TBC1D31: variants seen among roughly 807,000 people sequenced by gnomAD.
The protein encoded by TBC1D31 is WD repeat domain 67.
Under a neutral mutation model 132.9 loss-of-function variants are expected in TBC1D31, and 99 were observed. That is an observed-to-expected ratio of 0.74 (90% CI 0.63 to 0.88). The LOEUF is 0.88. Ranked by LOEUF, TBC1D31 falls within the 40% of genes least tolerant of loss-of-function variation. The pLI, the probability that TBC1D31 is intolerant of heterozygous loss-of-function variation, is 0.00. For synonymous variants in TBC1D31, 385 were observed against 419.4 expected, an observed-to-expected ratio of 0.92 and a Z score of 1.00; for missense variants, 1,134 against 1,256.6, an observed-to-expected ratio of 0.90 and a Z score of 1.48.
chr8:123,125,561 G>T (rs375119211), intron 11 of TBC1D31, among the ~76,000 whole-genome samples: 9 of 152,250 alleles, frequency 5.9e-5, no homozygotes, highest in African/African-American at 2.2e-4. Context: ...ATGTTTAAGG[G>T]ATTAGGGATA....
chr8:123,149,655 G>A lies in TBC1D31; in HGVS notation c.2975-381G>A, dbSNP rs534874617. ...AGGGTTCGGGTAAAACTTGCCTATGGCTGGCTCTGATTTGCTGTATGTTGT... is the reference window on the plus strand; with the variant it reads ...AGGGTTCGGGTAAAACTTGCCTATGACTGGCTCTGATTTGCTGTATGTTGT... On this transcript the variant is annotated intron_variant, in intron 20 of 21. Coordinates refer to ENST00000287380, the MANE Select transcript of TBC1D31 (RefSeq NM_145647.4). Among the ~76,000 whole-genome samples the A allele has an allele frequency of 5.9e-5, 9 of 152,290 alleles. No homozygotes were observed. The South Asian group carries it at 1.9e-3, about 32-fold the overall frequency.
Position 123,126,733 on chromosome 8 carries a change from TTCTC to T in TBC1D31, c.1884+50_1884+53del, listed in dbSNP as rs776081338. The T allele has an allele frequency of 2.0e-5, 30 of 1,509,462 alleles. No homozygotes were observed. In the Middle Eastern group the frequency reaches 5.3e-4, roughly 26 times the overall value. 93.5% of individuals were successfully genotyped at this position (1,509,462 alleles called of 1,614,324 possible). A position where few individuals can be genotyped will look rare whatever the true frequency, so the allele number is the denominator to read the frequency against. On this transcript the variant is annotated intron_variant, in intron 13 of 21. Transcript: ENST00000287380. ...GAGAAGGTTCTCAAATATCAGTTAT[TTCTC>T]TCTATTTTTTTTTTAATTTTTTGAG...
At chr8:123,075,642 G>A (rs1814429033) in intron 1 of TBC1D31, among the ~76,000 whole-genome samples, 1 of 152,078 alleles carries the variant, frequency 6.6e-6, no homozygotes, top group East Asian at 1.9e-4. Flanking sequence ...GGTGGAGATT[G>A]CAGTGAGCCG....
chr8:123,113,632 G>A (rs377071805), intron 10 of TBC1D31, among the ~76,000 whole-genome samples: 2 of 152,076 alleles, frequency 1.3e-5, no homozygotes, highest in Non-Finnish European at 2.9e-5. Flanking sequence ...AAGCTGTTAC[G>A]CTTTATATAC....
rs755601548 is a variant in TBC1D31, at chr8:123,109,443, T to C, written c.1290-31T>C. 1.9e-6 allele frequency: 3 copies of C among 1,608,276 alleles called. No homozygotes were observed. The South Asian group carries it at 3.3e-5, about 18-fold the overall frequency. ...TTACATCAGTTTTACTCAAAAAAAA[T>C]TGGGGGGATTAAAATATATTTTTAT... On this transcript the variant is annotated intron_variant, in intron 9 of 21. Coordinates refer to ENST00000287380, the MANE Select transcript of TBC1D31 (RefSeq NM_145647.4).
chr8:123,136,409 G>A (rs1214527007), intron 17 of TBC1D31, among the ~76,000 whole-genome samples: 1 of 152,198 alleles, frequency 6.6e-6, no homozygotes, highest in Admixed American at 6.5e-5. Flanking sequence ...GAAGATTTAA[G>A]TTACCCATAG....
At position 123,128,313 on chromosome 8, in the gene TBC1D31, A is replaced by G. The variant is rs145990079; in HGVS notation, c.1917A>G (p.Ile639Met). 9.1e-5 allele frequency: 147 copies of G among 1,611,672 alleles called. No individual in the cohort carries two copies. Among genetic ancestry groups the G allele is most frequent in the Admixed American group, 8.8e-4 (53 of 59,976 alleles). The change falls in exon 14 of 22, where the codon ATA (isoleucine) becomes ATG (methionine). Residue 639 changes from isoleucine to methionine, a missense_variant. Transcript: ENST00000287380. Reference sequence around the variant, plus strand: ...TTCACCATCGGAATAACCTGGATATAAATGTTGTGATTAGACAAGTTTATC... The same window carrying G: ...TTCACCATCGGAATAACCTGGATATGAATGTTGTGATTAGACAAGTTTATC... ...FFFHHRNNLD[I>M]NVVIRQVYHL...
At chr8:123,146,474 C>T (rs1822221698) in intron 20 of TBC1D31, among the ~76,000 whole-genome samples, 1 of 152,170 alleles carries the variant, frequency 6.6e-6, no homozygotes, top group Admixed American at 6.5e-5. Context: ...TGAGATTCAA[C>T]CATGTTGTAG....
intron 10 of TBC1D31, among the ~76,000 whole-genome samples, chr8:123,114,479 C>T (rs1307885252): frequency 6.6e-6 from 1 of 152,070 alleles, no homozygotes; most frequent in African/African-American, 2.4e-5. Context: ...CCCCACCACA[C>T]CTGGCTAATT....
chr8:123,095,524 A>G (rs1046728943), intron 5 of TBC1D31, among the ~76,000 whole-genome samples: 4 of 152,206 alleles, frequency 2.6e-5, no homozygotes, highest in African/African-American at 9.6e-5. Flanking sequence ...AAAAGTGGCT[A>G]ATGAAGATTT....
intron 20 of TBC1D31, among the ~76,000 whole-genome samples, chr8:123,149,009 T>C (rs1822522358): frequency 6.6e-6 from 1 of 151,990 alleles, no homozygotes; most frequent in Non-Finnish European, 1.5e-5. Context: ...ATCACGCCAC[T>C]GCACTCCAGC....
rs1267859034 is a variant in TBC1D31 at position 123,143,811 on chromosome 8, A to G, written c.2836-906A>G. Among the ~76,000 whole-genome samples, 4 of 152,248 alleles carry G rather than the reference A, an allele frequency of 2.6e-5. No individual in the cohort carries two copies. In the East Asian group the frequency reaches 7.7e-4, roughly 29 times the overall value. On this transcript the variant is annotated intron_variant, in intron 19 of 21. Coordinates refer to ENST00000287380, the MANE Select transcript of TBC1D31 (RefSeq NM_145647.4). ...GGAAGCTCACATTCTCATCCTAAAC[A>G]TTGCTGACACTAGGGCTATACTGTG... is the stretch of plus-strand genomic sequence containing the variant.
Position 123,144,023 on chromosome 8 carries a change from GA to G in TBC1D31, c.2836-691del, listed in dbSNP as rs554030116. Among the ~76,000 whole-genome samples, 440 of 152,264 alleles carry G rather than the reference GA, an allele frequency of 2.9e-3. 1 individual carries two copies. The highest frequency in any genetic ancestry group is 9.5e-3 in the African/African-American group (394 of 41,550). On this transcript the variant is annotated intron_variant, in intron 19 of 21. Coordinates refer to ENST00000287380, the MANE Select transcript of TBC1D31 (RefSeq NM_145647.4). Reference sequence around the variant, plus strand: ...GAATCAGCCCCCTCATCAGTAACATGAAAGGGATGGATTTCTGTGATCCTTC... The same window carrying G: ...GAATCAGCCCCCTCATCAGTAACATGAAGGGATGGATTTCTGTGATCCTTC...
intron 1 of TBC1D31, chr8:123,073,442 G>A (rs908386366): frequency 1.1e-5 from 5 of 455,698 alleles, no homozygotes; most frequent in African/African-American, 6.0e-5. Flanking sequence ...GTATGTAGGG[G>A]CTGGGGCGTT....
chr8:123,092,338 T>C (rs1249535641), intron 4 of TBC1D31, among the ~76,000 whole-genome samples: 2 of 152,096 alleles, frequency 1.3e-5, no homozygotes, highest in Non-Finnish European at 2.9e-5. Flanking sequence ...AAAAGCAAAC[T>C]GACTAATTTG....
At chr8:123,163,046 C>T in the TBC1D31 span, among the ~76,000 whole-genome samples, 1 of 152,096 alleles carries the variant, frequency 6.6e-6, no homozygotes, top group African/African-American at 2.4e-5. Context: ...AGGCGGCTCT[C>T]GAACTCCTGA....
At chr8:123,110,770 T>C (rs73337894) in intron 10 of TBC1D31, among the ~76,000 whole-genome samples, 17,432 of 152,182 alleles carry the variant, frequency 0.11, 1,130 homozygotes, top group Non-Finnish European at 0.13. Context: ...GAATTAATAA[T>C]TCTTCAGTAT....
intron 4 of TBC1D31, among the ~76,000 whole-genome samples, chr8:123,085,246 TA>T (rs1815610537): frequency 6.6e-6 from 1 of 152,220 alleles, no homozygotes; most frequent in East Asian, 1.9e-4. Context: ...ATTTGACAAA[TA>T]CACACACCTG....
In TBC1D31 at chr8:123,076,267, T is replaced by C. The variant is rs75398637; in HGVS notation, c.78-844T>C. Among the ~76,000 whole-genome samples, 878 of 152,208 alleles carry C rather than the reference T, an allele frequency of 5.8e-3. 8 individuals are homozygous for C. The highest frequency in any genetic ancestry group is 0.021 in the African/African-American group (852 of 41,520). ...AGGCACATGCACCATGCCTGGCTAA[T>C]TTTTTGAAATTTTTCTGGAGACGTG... On this transcript the variant is annotated intron_variant, in intron 1 of 21. Transcript: ENST00000287380.
Sources: gnomAD v4.1 joint callset for allele counts (sites outside exome capture counted in the v4.1 genomes callset) on GRCh38, gnomAD v4.1.1 for gene constraint, MANE v1.5 for transcripts, NCBI Gene and HGNC (gene_info 2026-07-23, HGNC 2026-07-21) for gene names.